ERN1: variants seen among roughly 807,000 people sequenced by gnomAD.
ERN1 encodes the protein endoplasmic reticulum to nucleus signaling 1, also known as serine/threonine-protein kinase/endoribonuclease IRE1.
In ERN1, 39 loss-of-function variants were observed where a neutral mutation model predicts 113.1. The observed-to-expected ratio is 0.34, with a 90% CI of 0.27 to 0.45. ERN1 has a LOEUF of 0.45. Among genes scored for constraint, ERN1 ranks in the 20% least tolerant of loss-of-function variants. ERN1 has a pLI of 1.00. For synonymous variants in ERN1, 507 were observed against 515.9 expected (o/e 0.98, Z 0.23); for missense variants, 976 against 1,274.8 (o/e 0.77, Z 3.57).
intron 1 of ERN1, among the ~76,000 whole-genome samples, chr17:64,101,382 C>T (rs1026942287): frequency 3.9e-5 from 6 of 152,136 alleles, no homozygotes; most frequent in African/African-American, 4.8e-5. Flanking sequence ...TGTACGCCAG[C>T]CTGGGGGATA....
At chr17:64,082,393 C>T (rs911443621) in intron 2 of ERN1, among the ~76,000 whole-genome samples, 1 of 152,210 alleles carries the variant, frequency 6.6e-6, no homozygotes, top group Non-Finnish European at 1.5e-5. Context: ...CCTACTGAAA[C>T]AAGCTAGTCA....
intron 11 of ERN1, among the ~76,000 whole-genome samples, chr17:64,058,869 T>C (rs3785562): frequency 0.36 from 55,314 of 151,830 alleles, 11,735 homozygotes; most frequent in African/African-American, 0.59. Context: ...TTCATGCCTC[T>C]CCCACAGTGC....
chr17:64,089,891 G>A (rs1914041681), intron 2 of ERN1, among the ~76,000 whole-genome samples: 1 of 152,210 alleles, frequency 6.6e-6, no homozygotes, highest in Middle Eastern at 3.4e-3. Context: ...TCAAGAATGT[G>A]CTTAAGGTTC....
rs1049105773 is a variant in ERN1, at chr17:64,054,461, T to C, written c.1764-22A>G. On this transcript the variant is annotated intron_variant, in intron 14 of 21. Coordinates refer to ENST00000433197, the MANE Select transcript of ERN1 (RefSeq NM_001433.5). The surrounding 1 kb of genome is among the most constrained non-coding windows in gnomAD (Gnocchi z 4.9). ...GCCCCTGCGGGATGAGGAGTGGGAG[T>C]TGTGTCTGGGAAGCACGAGTCAGGC... 5 of 1,545,842 alleles carry C rather than the reference T, an allele frequency of 3.2e-6. No individual in the cohort carries two copies. The highest frequency in any genetic ancestry group is 3.5e-6 in the Non-Finnish European group (4 of 1,142,226).
At chr17:64,116,735 T>C (rs1914815205) in intron 1 of ERN1, among the ~76,000 whole-genome samples, 1 of 152,064 alleles carries the variant, frequency 6.6e-6, no homozygotes, top group African/African-American at 2.4e-5. Flanking sequence ...AATGGCTGGT[T>C]CTGACCCCTC....
At chr17:64,097,718 T>C (rs763394721) in intron 2 of ERN1, among the ~76,000 whole-genome samples, 13 of 152,204 alleles carry the variant, frequency 8.5e-5, no homozygotes, top group Admixed American at 2.0e-4. Context: ...TTTCAGCCTC[T>C]ATAAAAACAA....
At chr17:64,062,567 AT>A (rs1450859140) in intron 10 of ERN1, among the ~76,000 whole-genome samples, 1 of 152,132 alleles carries the variant, frequency 6.6e-6, no homozygotes, top group Non-Finnish European at 1.5e-5. Flanking sequence ...CAACCTTTCC[AT>A]TTTAAAGGGA....
chr17:64,074,966 C>T (rs956826578), intron 5 of ERN1: 32 of 554,062 alleles, frequency 5.8e-5, no homozygotes, highest in Middle Eastern at 4.7e-4. Context: ...AATGAGTAAC[C>T]ATATTAATGA....
chr17:64,054,767 G>A lies in ERN1; in HGVS notation c.1734C>T (p.Gly578=), dbSNP rs759606514. The change falls in exon 14 of 22, where the codon GGC becomes GGT. Residue 578 remains glycine, a synonymous_variant. Coordinates refer to ENST00000433197, the MANE Select transcript of ERN1 (RefSeq NM_001433.5). The surrounding 1 kb of genome is among the most constrained non-coding windows in gnomAD (Gnocchi z 4.9). The part of the protein sequence containing the change: ...KISFCPKDVL[G]HGAEGTIVYR... ...ACACAATTGTGCCCTCAGCTCCATG[G>A]CCCAGGACATCCTTGGGACAGAAGG... 6.2e-7 allele frequency: 1 copy of A among 1,609,826 alleles called. No homozygotes were observed. The highest frequency in any genetic ancestry group is 8.5e-7 in the Non-Finnish European group (1 of 1,178,410).
At chr17:64,056,105 T>C (rs920149606) in intron 12 of ERN1, among the ~76,000 whole-genome samples, 157 bp from the exon 13 acceptor site, 5 of 152,154 alleles carry the variant, frequency 3.3e-5, no homozygotes, top group Non-Finnish European at 5.9e-5. Flanking sequence ...GGAAGCAGAA[T>C]TGCTTCGATG....
intron 2 of ERN1, among the ~76,000 whole-genome samples, chr17:64,084,851 T>C (rs888538777): frequency 6.6e-6 from 1 of 152,194 alleles, no homozygotes; most frequent in Admixed American, 6.5e-5. Flanking sequence ...CTGCCAGGCC[T>C]GCCCATGCCT....
Position 64,054,471 on chromosome 17 carries a change from G to A in ERN1, c.1764-32C>T, listed in dbSNP as rs1912790793. ...GATGAGGAGTGGGAGTTGTGTCTGG[G>A]AAGCACGAGTCAGGCTGTGTAAATG... On this transcript the variant is annotated intron_variant, in intron 14 of 21. Transcript: ENST00000433197. This position sits in a 1 kb window ranked among gnomAD's most constrained non-coding sequence, Gnocchi z 4.9. The A allele has an allele frequency of 6.5e-7, 1 of 1,539,556 alleles. No homozygotes were observed. Among genetic ancestry groups the A allele is most frequent in the East Asian group, 2.5e-5 (1 of 40,796 alleles).
chr17:64,058,804 C>A (rs1193012291), intron 11 of ERN1, among the ~76,000 whole-genome samples: 1 of 152,108 alleles, frequency 6.6e-6, no homozygotes, highest in Admixed American at 6.6e-5. Context: ...TTCACCCCTC[C>A]CCCCAGATGG....
intron 1 of ERN1, among the ~76,000 whole-genome samples, chr17:64,114,427 T>A (rs140689746): frequency 1.6e-3 from 238 of 152,182 alleles, no homozygotes; most frequent in African/African-American, 5.4e-3. Context: ...TGAGTTAAGA[T>A]CTATAGGAAA....
At chr17:64,053,726 C>G (rs1168520674) in intron 15 of ERN1, among the ~76,000 whole-genome samples, 1 of 152,124 alleles carries the variant, frequency 6.6e-6, no homozygotes, top group Non-Finnish European at 1.5e-5. Flanking sequence ...CCAGCCATGA[C>G]TGAAGAGGGA....
At chr17:64,104,871 C>G (rs1914480140) in intron 1 of ERN1, among the ~76,000 whole-genome samples, 1 of 152,086 alleles carries the variant, frequency 6.6e-6, no homozygotes, top group Non-Finnish European at 1.5e-5. Context: ...CTTTTCACCT[C>G]TAAGTCAATG....
intron 1 of ERN1, among the ~76,000 whole-genome samples, chr17:64,110,930 G>A (rs79117456): frequency 4.6e-5 from 7 of 152,318 alleles, no homozygotes; most frequent in African/African-American, 1.7e-4. Context: ...AAAGCATGAG[G>A]AACCGGCCAA....
intron 7 of ERN1, 25 bp from the exon 8 acceptor site, chr17:64,066,957 A>T: frequency 6.2e-7 from 1 of 1,602,670 alleles, no homozygotes. Context: ...TAAACAAAGC[A>T]TGCTGAGTCT....
At chr17:64,124,904 A>G (rs1915041214) in intron 1 of ERN1, among the ~76,000 whole-genome samples, 1 of 152,232 alleles carries the variant, frequency 6.6e-6, no homozygotes, top group South Asian at 2.1e-4. Context: ...TTCCATTTAT[A>G]TAAGAGGTCC....
Sources: allele counts gnomAD v4.1 joint callset (sites outside exome capture counted in the v4.1 genomes callset), GRCh38; gene constraint gnomAD v4.1.1; non-coding constraint Gnocchi (gnomAD v3.1); transcripts MANE v1.5; gene names NCBI Gene and HGNC (gene_info 2026-07-23, HGNC 2026-07-21).